Variants in JRK observed in about 807,000 individuals in gnomAD.
JRK encodes jerky protein homolog.
For synonymous variants in JRK, 303 were observed against 218.1 expected, an observed-to-expected ratio of 1.39 and a Z score of -3.43; for missense variants, 720 against 509.2, an observed-to-expected ratio of 1.41 and a Z score of -3.98.
In JRK at chr8:142,662,199, A is replaced by G. The variant is rs2976400; in HGVS notation, c.*2153T>C. 0.66 allele frequency: 652,939 copies of G among 985,628 alleles called. 219,430 individuals carry two copies. The highest frequency in any genetic ancestry group is 0.69 in the Admixed American group (11,290 of 16,276). The allele number at this position is 985,628 out of a possible 1,614,324, so 61.1% of individuals were successfully genotyped here. A position where few individuals can be genotyped will look rare whatever the true frequency, so the allele number is the denominator to read the frequency against. On this transcript the variant is annotated 3_prime_UTR_variant, in exon 2 of 2. Coordinates refer to ENST00000612905, the MANE Select transcript of JRK (RefSeq NM_003724.4). ...CCCAGCACAGTCAGCACAAGAGCAGATCAAGAACGGGAAGAGCTCAGGTCC... is the reference window on the plus strand; with the variant it reads ...CCCAGCACAGTCAGCACAAGAGCAGGTCAAGAACGGGAAGAGCTCAGGTCC...
Position 142,659,995 on chromosome 8 carries a change from C to G in JRK, c.*4357G>C, listed in dbSNP as rs1554634289. The stretch of plus-strand genomic sequence containing the variant: ...GAGGCCAGAGCTGACACCACATGGG[C>G]AAAGGAGTGGGCGTGTGGGGCTGGG... On this transcript the variant is annotated 3_prime_UTR_variant, in exon 2 of 2. Transcript: ENST00000612905. The G allele has an allele frequency of 4.1e-6, 4 of 985,620 alleles. No individual in the cohort carries two copies. The highest frequency in any genetic ancestry group is 4.8e-6 in the Non-Finnish European group (4 of 830,136). The allele number at this position is 985,620 out of a possible 1,614,324, so 61.1% of individuals were successfully genotyped here. A position where few individuals can be genotyped will look rare whatever the true frequency, so the allele number is the denominator to read the frequency against.
At chr8:142,653,872 G>T (rs1216867662), downstream of JRK, among the ~76,000 whole-genome samples, 1 of 152,104 alleles carries the variant, frequency 6.6e-6, no homozygotes, top group African/African-American at 2.4e-5. Flanking sequence ...TCTCACCTCT[G>T]AATTTTAGGG....
Position 142,664,609 on chromosome 8 carries a change from C to T in JRK, c.1450G>A (p.Glu484Lys). 6.2e-7 allele frequency: 1 copy of T among 1,610,090 alleles called. No individual in the cohort carries two copies. The highest frequency in any genetic ancestry group is 1.7e-5 in the Admixed American group (1 of 59,824). The change falls in exon 2 of 2, where the codon GAG becomes AAG. Residue 484 changes from glutamate (E) to lysine (K), a missense_variant. Glu to Lys is a moderately conservative substitution (Grantham distance 56, BLOSUM62 1). Coordinates refer to ENST00000612905, the MANE Select transcript of JRK (RefSeq NM_003724.4). ...ACGGCCGCCTGCTCCCAGGCCACCT[C>T]CTCGCCCTCACCAGGATCTCCTCTG... ...DGRGDPGEGE[E>K]VAWEQAAVAF...
chr8:142,660,389 C>A lies in JRK; in HGVS notation c.*3963G>T. 1.0e-6 allele frequency: 1 copy of A among 985,638 alleles called. No individual in the cohort carries two copies. Among genetic ancestry groups the A allele is most frequent in the Non-Finnish European group, 1.2e-6 (1 of 830,088 alleles). The allele number at this position is 985,638 out of a possible 1,614,324, so 61.1% of individuals were successfully genotyped here. A position where few individuals can be genotyped will look rare whatever the true frequency, so the allele number is the denominator to read the frequency against. On this transcript the variant is annotated 3_prime_UTR_variant, in exon 2 of 2. Transcript: ENST00000612905. ...CCCCGACCCTGATCTCCACACCTGA[C>A]CCCAAAGCACATTTTGTTATTTTTT... is the stretch of plus-strand genomic sequence containing the variant.
rs1419300264 is a variant in JRK at position 142,659,587 on chromosome 8, G to C, written c.*4765C>G. 1 of 985,482 alleles carries C rather than the reference G, an allele frequency of 1.0e-6. No homozygotes were observed. Among genetic ancestry groups the C allele is most frequent in the Non-Finnish European group, 1.2e-6 (1 of 830,052 alleles). 61.0% of individuals were successfully genotyped at this position (985,482 alleles called of 1,614,324 possible). On this transcript the variant is annotated 3_prime_UTR_variant, in exon 2 of 2. Coordinates refer to ENST00000612905, the MANE Select transcript of JRK (RefSeq NM_003724.4). ...AGGGAGGCCATCGTGCTGCCTAAGA[G>C]ACCAGGACCCAGCAGGGGCCATACC...
downstream of JRK, among the ~76,000 whole-genome samples, chr8:142,653,963 T>C (rs782026048): frequency 3.3e-5 from 5 of 152,340 alleles, no homozygotes; most frequent in South Asian, 8.3e-4. Flanking sequence ...TCTACTGCAA[T>C]TCCCCTGTCT....
intron 1 of JRK, among the ~76,000 whole-genome samples, chr8:142,669,195 T>C (rs1415915560): frequency 2.5e-4 from 16 of 63,084 alleles, no homozygotes; most frequent in South Asian, 1.5e-3. Flanking sequence ...TGTGTGTGTG[T>C]GTGTGCGTGT....
chr8:142,666,545 G>A (rs1847133801), intron 1 of JRK, 25 bp from the exon 2 acceptor site: 1 of 252,994 alleles, frequency 4.0e-6, no homozygotes. Flanking sequence ...GAACAGAGAG[G>A]AAAGTGATGG....
rs782018764 is a variant in JRK, at chr8:142,662,575, TA to T, written c.*1776del. 1.0e-4 allele frequency: 101 copies of T among 985,348 alleles called. No individual in the cohort carries two copies. Among genetic ancestry groups the T allele is most frequent in the Non-Finnish European group, 1.1e-4 (93 of 829,958 alleles). 61.0% of individuals were successfully genotyped at this position (985,348 alleles called of 1,614,324 possible). A position where few individuals can be genotyped will look rare whatever the true frequency, so the allele number is the denominator to read the frequency against. On this transcript the variant is annotated 3_prime_UTR_variant, in exon 2 of 2. Coordinates refer to ENST00000612905, the MANE Select transcript of JRK (RefSeq NM_003724.4). ...GACTGTCGTTCAGCACCGAGATCTT[TA>T]AAAACTATTTGGCTTTTATAATCTT...
At chr8:142,655,571 G>A (rs1204605028), downstream of JRK, among the ~76,000 whole-genome samples, 1 of 150,260 alleles carries the variant, frequency 6.7e-6, no homozygotes, top group African/African-American at 2.4e-5. Context: ...GGGATGCAGT[G>A]AGATCCCAGG....
the JRK span, among the ~76,000 whole-genome samples, chr8:142,650,342 T>C: frequency 6.6e-6 from 1 of 152,204 alleles, no homozygotes; most frequent in Non-Finnish European, 1.5e-5. Flanking sequence ...TGGGAGACTG[T>C]TGGAAAGGCA....
chr8:142,647,102 C>A, the JRK span, among the ~76,000 whole-genome samples: 17 of 152,132 alleles, frequency 1.1e-4, no homozygotes, highest in Non-Finnish European at 2.1e-4. Context: ...TTATAGAAAT[C>A]TATCATATGA....
chr8:142,669,193 TGTGTGTGC>T (rs782727167), intron 1 of JRK, among the ~76,000 whole-genome samples: 4,646 of 73,442 alleles, frequency 0.063, 101 homozygotes, highest in South Asian at 0.14. Flanking sequence ...TGTGTGTGTG[TGTGTGTGC>T]GTGTGTGTGT....
Position 142,664,808 on chromosome 8 carries a change from G to A in JRK, c.1251C>T (p.His417=), listed in dbSNP as rs113155554. The A allele has an allele frequency of 1.5e-4, 238 of 1,597,840 alleles. 1 individual carries two copies. In the Middle Eastern group the frequency reaches 2.5e-3, roughly 17 times the overall value. ...PVKPHNKSFA[H]ILELVKEGSS... is the part of the protein sequence containing the mutation. The stretch of plus-strand genomic sequence containing the variant: ...AGCCTTCCTTCACAAGCTCCAGGAT[G>A]TGTGCAAAGGACTTGTTGTGGGGCT... The change falls in exon 2 of 2, where the codon CAC becomes CAT. Residue 417 remains histidine (H), a synonymous_variant. Transcript: ENST00000612905.
rs587741235 is a variant in JRK, at chr8:142,664,218, C to T, written c.*134G>A. The T allele has an allele frequency of 2.7e-5, 38 of 1,411,174 alleles. No individual in the cohort carries two copies. In the South Asian group the frequency reaches 4.2e-4, roughly 16 times the overall value. 87.4% of individuals were successfully genotyped at this position (1,411,174 alleles called of 1,614,324 possible). A position where few individuals can be genotyped will look rare whatever the true frequency, so the allele number is the denominator to read the frequency against. On this transcript the variant is annotated 3_prime_UTR_variant, in exon 2 of 2. Coordinates refer to ENST00000612905, the MANE Select transcript of JRK (RefSeq NM_003724.4). ...TGGGCACCCGAGCCACACCCGTGGG[C>T]GACCCACTCCTGGAAGGGCTCTTGA... is the stretch of plus-strand genomic sequence containing the variant.
At chr8:142,655,686 A>G (rs1434469171), downstream of JRK, among the ~76,000 whole-genome samples, 2 of 152,224 alleles carry the variant, frequency 1.3e-5, no homozygotes, top group Admixed American at 1.3e-4. Context: ...ACTAGTGACC[A>G]GCCAGGTGTC....
Position 142,663,379 on chromosome 8 carries a change from C to A in JRK, c.*973G>T. ...AACTCCTCCCCAAAAGTATTACTAA[C>A]GTGCTAACAGCTGGGGATAAGAGCA... is the stretch of plus-strand genomic sequence containing the variant. On this transcript the variant is annotated 3_prime_UTR_variant, in exon 2 of 2. Coordinates refer to ENST00000612905, the MANE Select transcript of JRK (RefSeq NM_003724.4). 4.1e-6 allele frequency: 4 copies of A among 985,456 alleles called. No homozygotes were observed. Among genetic ancestry groups the A allele is most frequent in the Non-Finnish European group, 4.8e-6 (4 of 829,930 alleles). 61.0% of individuals were successfully genotyped at this position (985,456 alleles called of 1,614,324 possible).
At position 142,664,474 on chromosome 8, in the gene JRK, T is replaced by C. The variant is rs1469334629; in HGVS notation, c.1585A>G (p.Arg529Gly). ...GCCCCGAGGGCACCACGCCGCCTCC[T>C]CACCTGCTGCTGGCTCCGGAACACG... ...RAVFRSQQQV[R>G]RRRGALGAVV... is the part of the protein sequence containing the mutation. Residue 529 changes from arginine (R) to glycine (G), a missense_variant, in exon 2 of 2, where the codon AGG (arginine) becomes GGG (glycine). By Grantham distance (125) the Arg-to-Gly change is moderately radical (BLOSUM62 -2). Coordinates refer to ENST00000612905, the MANE Select transcript of JRK (RefSeq NM_003724.4). The C allele has an allele frequency of 1.9e-6, 3 of 1,611,334 alleles. No individual in the cohort carries two copies. Among genetic ancestry groups the C allele is most frequent in the Non-Finnish European group, 2.5e-6 (3 of 1,179,090 alleles).
Position 142,661,649 on chromosome 8 carries a change from G to A in JRK, c.*2703C>T, listed in dbSNP as rs1554634591. The A allele has an allele frequency of 6.1e-6, 6 of 985,380 alleles. No individual in the cohort carries two copies. Among genetic ancestry groups the A allele is most frequent in the African/African-American group, 3.5e-5 (2 of 57,244 alleles). 61.0% of individuals were successfully genotyped at this position (985,380 alleles called of 1,614,324 possible). A position where few individuals can be genotyped will look rare whatever the true frequency, so the allele number is the denominator to read the frequency against. ...ACGCGGAGGCATTTAAACAGGACCA[G>A]AGACTTTCTCGCTCTGCTCTGGCAA... On this transcript the variant is annotated 3_prime_UTR_variant, in exon 2 of 2. Transcript: ENST00000612905.
Sources: allele counts gnomAD v4.1 joint callset (sites outside exome capture counted in the v4.1 genomes callset), GRCh38; gene constraint gnomAD v4.1.1; transcripts MANE v1.5; gene names NCBI Gene and HGNC (gene_info 2026-07-23, HGNC 2026-07-21).